Variants in TMEM51 observed in about 807,000 individuals in gnomAD.
TMEM51 encodes chromosome 1 open reading frame 72.
In TMEM51, 8 loss-of-function variants were observed where a neutral mutation model predicts 13.6. The ratio of observed to expected loss-of-function variants is 0.59; its 90% CI spans 0.35 to 1.07. The LOEUF is 1.07. Ranked by LOEUF, TMEM51 falls within the 50% of genes least tolerant of loss-of-function variation. The pLI is 0.02. For missense variants in TMEM51, 279 were observed against 330.7 expected (o/e 0.84, Z 1.21); for synonymous variants, 147 against 144.4 (o/e 1.02, Z -0.13).
rs771115550 is a variant in TMEM51 at position 15,219,995 on chromosome 1, G to C, written c.*252G>C. The C allele has an allele frequency of 4.0e-5, 21 of 519,704 alleles. No individual in the cohort carries two copies. Among genetic ancestry groups the C allele is most frequent in the Non-Finnish European group, 7.2e-5 (21 of 292,342 alleles). The allele number at this position is 519,704 out of a possible 1,614,324, so 32.2% of individuals were successfully genotyped here. ...GAATCTGTGGACCACATTCAAGGGT[G>C]TGGCACAGGCATCTTCCCATCCTTT... On this transcript the variant is annotated 3_prime_UTR_variant, in exon 4 of 4. Coordinates refer to ENST00000376008, the MANE Select transcript of TMEM51 (RefSeq NM_001136218.2).
intron 1 of TMEM51, among the ~76,000 whole-genome samples, chr1:15,185,876 C>T (rs1643756840): frequency 1.3e-5 from 2 of 152,214 alleles, no homozygotes; most frequent in East Asian, 1.9e-4. Context: ...GGCCATCCTC[C>T]TATTATCCAT....
At chr1:15,155,496 G>T (rs1642560170) in intron 1 of TMEM51, among the ~76,000 whole-genome samples, 1 of 152,314 alleles carries the variant, frequency 6.6e-6, no homozygotes, top group South Asian at 2.1e-4. Context: ...TTATGTCACA[G>T]GGCTTAGACG....
intron 1 of TMEM51, among the ~76,000 whole-genome samples, chr1:15,189,883 G>A (rs12142287): frequency 0.15 from 22,313 of 152,186 alleles, 1,712 homozygotes; most frequent in Middle Eastern, 0.19. Flanking sequence ...GGATAGCAGG[G>A]GCTAACCCAA....
intron 1 of TMEM51, chr1:15,192,416 G>A: frequency 2.6e-6 from 1 of 383,836 alleles, no homozygotes; most frequent in South Asian, 2.3e-5. Flanking sequence ...GTCAGCGTTT[G>A]GCAGTGCTAC....
Position 15,219,210 on chromosome 1 carries a change from A to T in TMEM51, c.345-116A>T, listed in dbSNP as rs1003522817. 2.8e-6 allele frequency: 3 copies of T among 1,087,518 alleles called. No homozygotes were observed. In the African/African-American group the frequency reaches 4.7e-5, roughly 17 times the overall value. The allele number at this position is 1,087,518 out of a possible 1,614,324, so 67.4% of individuals were successfully genotyped here. On this transcript the variant is annotated intron_variant, in intron 3 of 3. Coordinates refer to ENST00000376008, the MANE Select transcript of TMEM51 (RefSeq NM_001136218.2). ...AGTATTCACTTTTATTGCCTCTAAG[A>T]CCCATTTGTTATTTACAAGGCTGCT...
chr1:15,192,209 G>T, intron 1 of TMEM51: 1 of 388,240 alleles, frequency 2.6e-6, no homozygotes, highest in Non-Finnish European at 5.1e-6. Context: ...GGGGTTGTAA[G>T]AGATCTTTCT....
At chr1:15,156,122 C>T (rs1446644040) in intron 1 of TMEM51, among the ~76,000 whole-genome samples, 1 of 152,170 alleles carries the variant, frequency 6.6e-6, no homozygotes, top group Non-Finnish European at 1.5e-5. Context: ...GAGGCCCAAA[C>T]TGCCAGCCTG....
Position 15,214,991 on chromosome 1 carries a change from T to G in TMEM51, c.-97T>G. 3.4e-6 allele frequency: 4 copies of G among 1,168,446 alleles called. No individual in the cohort carries two copies. The highest frequency in any genetic ancestry group is 4.8e-6 in the Non-Finnish European group (4 of 835,088). The allele number at this position is 1,168,446 out of a possible 1,614,324, so 72.4% of individuals were successfully genotyped here. On this transcript the variant is annotated 5_prime_UTR_variant, in exon 3 of 4. Coordinates refer to ENST00000376008, the MANE Select transcript of TMEM51 (RefSeq NM_001136218.2). ...ATATTTTCTAGTGTGGGGCGAGAGATTTTGTGGAGCGCATTTAAGGGGTTT... is the reference window on the plus strand; with the variant it reads ...ATATTTTCTAGTGTGGGGCGAGAGAGTTTGTGGAGCGCATTTAAGGGGTTT...
chr1:15,187,193 C>G (rs1643805724), intron 1 of TMEM51, among the ~76,000 whole-genome samples: 1 of 151,804 alleles, frequency 6.6e-6, no homozygotes, highest in South Asian at 2.1e-4. Flanking sequence ...TCCCCCAACC[C>G]CCATCCACCC....
intron 2 of TMEM51, among the ~76,000 whole-genome samples, chr1:15,211,837 C>T (rs1331004165): frequency 5.1e-5 from 5 of 97,218 alleles, no homozygotes; most frequent in East Asian, 6.9e-4. Context: ...CCCCCCCCCC[C>T]GGGATTTTTA....
chr1:15,183,342 C>G (rs180727301), intron 1 of TMEM51, among the ~76,000 whole-genome samples: 1 of 152,166 alleles, frequency 6.6e-6, no homozygotes, highest in African/African-American at 2.4e-5. Context: ...AAGGCAGTAT[C>G]GTGCAGAGGT....
intron 1 of TMEM51, among the ~76,000 whole-genome samples, chr1:15,160,604 C>G (rs1301734289): frequency 6.6e-6 from 1 of 152,026 alleles, no homozygotes; most frequent in East Asian, 1.9e-4. Context: ...AAAACAAACA[C>G]TCAAACTTTC....
rs148218329 is a variant in TMEM51 at position 15,200,995 on chromosome 1, A to C, written c.-266-9495A>C. 3.2e-3 allele frequency among the ~76,000 whole-genome samples: 485 copies of C among 152,312 alleles called. 2 individuals carry two copies. The highest frequency in any genetic ancestry group is 0.011 in the African/African-American group (463 of 41,556). ...CAGTGGAGTGTGCCACAGGTGCCTCACACCTGTATATGGCACCTGCCAGCA... is the reference window on the plus strand; with the variant it reads ...CAGTGGAGTGTGCCACAGGTGCCTCCCACCTGTATATGGCACCTGCCAGCA... On this transcript the variant is annotated intron_variant, in intron 1 of 3. Transcript: ENST00000376008.
rs979861520 is a variant in TMEM51 at position 15,161,102 on chromosome 1, G to C, written c.-267+7148G>C. 2.0e-5 allele frequency among the ~76,000 whole-genome samples: 3 copies of C among 152,108 alleles called. No individual in the cohort carries two copies. Among genetic ancestry groups the C allele is most frequent in the Non-Finnish European group, 4.4e-5 (3 of 68,040 alleles). On this transcript the variant is annotated intron_variant, in intron 1 of 3. Transcript: ENST00000376008. The surrounding 1 kb of genome is among the most constrained non-coding windows in gnomAD (Gnocchi z 4.0). ...CAACTGCCTGTGCAAAGGCCTCAAG[G>C]TGTAAAAGAGCTTCGTTAACACAGG...
chr1:15,157,223 C>T (rs1642619190), intron 1 of TMEM51, among the ~76,000 whole-genome samples: 1 of 152,202 alleles, frequency 6.6e-6, no homozygotes, highest in South Asian at 2.1e-4. Context: ...CCCTCAGCTC[C>T]CGTCTCAAGA....
intron 1 of TMEM51, among the ~76,000 whole-genome samples, chr1:15,193,812 C>T (rs561141103): frequency 1.3e-5 from 2 of 152,324 alleles, no homozygotes; most frequent in African/African-American, 4.8e-5. Flanking sequence ...CTGCCTTGGC[C>T]TCCCAGAGTG....
At chr1:15,171,737 AAGT>A (rs1472738160) in intron 1 of TMEM51, among the ~76,000 whole-genome samples, 2 of 152,192 alleles carry the variant, frequency 1.3e-5, no homozygotes, top group Admixed American at 6.5e-5. Flanking sequence ...ATTCTGGGAA[AAGT>A]AGTTCCAGCT....
chr1:15,180,162 G>A (rs1299271801), intron 1 of TMEM51, among the ~76,000 whole-genome samples: 1 of 151,780 alleles, frequency 6.6e-6, no homozygotes, highest in East Asian at 1.9e-4. Flanking sequence ...GACACTAATT[G>A]CTAAAGTCTC....
chr1:15,170,950 G>C (rs968669032), intron 1 of TMEM51, among the ~76,000 whole-genome samples: 1 of 151,994 alleles, frequency 6.6e-6, no homozygotes, highest in African/African-American at 2.4e-5. Context: ...GGATGGTCTC[G>C]ATCTCCTGAC....
Sources: gnomAD v4.1 joint callset for allele counts (sites outside exome capture counted in the v4.1 genomes callset) on GRCh38, gnomAD v4.1.1 for gene constraint, Gnocchi (gnomAD v3.1) non-coding constraint, MANE v1.5 for transcripts, NCBI Gene and HGNC (gene_info 2026-07-23, HGNC 2026-07-21) for gene names.